Variants in SCHIP1 observed in about 807,000 individuals in gnomAD.
The protein encoded by SCHIP1 is schwannomin-interacting protein 1.
Under a neutral mutation model 29.7 loss-of-function variants are expected in SCHIP1, and 8 were observed. The observed-to-expected ratio is 0.27, with a 90% CI of 0.16 to 0.49. SCHIP1 has a LOEUF of 0.49. Ranked by LOEUF, SCHIP1 falls within the 20% of genes least tolerant of loss-of-function variation. SCHIP1 has a pLI of 0.99. For missense variants in SCHIP1, 193 were observed against 294.6 expected, an observed-to-expected ratio of 0.66 and a Z score of 2.52; for synonymous variants, 76 against 94.9, an observed-to-expected ratio of 0.80 and a Z score of 1.16.
At chr3:159,656,423 T>C in the SCHIP1 span, among the ~76,000 whole-genome samples, 3 of 152,172 alleles carry the variant, frequency 2.0e-5, no homozygotes, top group African/African-American at 7.2e-5. Flanking sequence ...CTCTTGTACC[T>C]TAGAGAGTTC....
the SCHIP1 span, among the ~76,000 whole-genome samples, chr3:159,657,150 T>C: frequency 5.9e-5 from 9 of 152,222 alleles, no homozygotes; most frequent in Non-Finnish European, 1.3e-4. Flanking sequence ...TATATTATTT[T>C]GTTTAAAATA....
chr3:159,769,108 T>G, the SCHIP1 span, among the ~76,000 whole-genome samples: 3 of 152,184 alleles, frequency 2.0e-5, no homozygotes, highest in Non-Finnish European at 4.4e-5. Flanking sequence ...TCTCTTAAAT[T>G]CTTATCTTCT....
At chr3:159,321,318 C>A in the SCHIP1 span, among the ~76,000 whole-genome samples, 10 of 152,152 alleles carry the variant, frequency 6.6e-5, no homozygotes, top group Admixed American at 1.3e-4. Flanking sequence ...GTATTCATTG[C>A]GTCCTCAACG....
chr3:159,586,651 T>G, the SCHIP1 span, among the ~76,000 whole-genome samples: 7 of 152,132 alleles, frequency 4.6e-5, no homozygotes, highest in Admixed American at 2.0e-4. Flanking sequence ...TGATTTTAAC[T>G]TGCTTATCTC....
At chr3:159,394,623 A>G in the SCHIP1 span, among the ~76,000 whole-genome samples, 86 of 151,730 alleles carry the variant, frequency 5.7e-4, 1 homozygote, top group Middle Eastern at 3.4e-3. Flanking sequence ...ACATTTATTG[A>G]TTTGCGTATA....
the SCHIP1 span, among the ~76,000 whole-genome samples, chr3:159,416,982 T>C: frequency 3.9e-5 from 6 of 152,190 alleles, no homozygotes; most frequent in Non-Finnish European, 2.9e-5. Context: ...TCAGACACTA[T>C]CACATTTTAA....
At chr3:159,353,525 GA>G in the SCHIP1 span, among the ~76,000 whole-genome samples, 2 of 151,870 alleles carry the variant, frequency 1.3e-5, no homozygotes, top group African/African-American at 2.4e-5. Flanking sequence ...CACAAGGCAT[GA>G]AAAAAACAAC....
the SCHIP1 span, among the ~76,000 whole-genome samples, chr3:159,557,991 A>G: frequency 6.6e-6 from 1 of 152,232 alleles, no homozygotes; most frequent in Non-Finnish European, 1.5e-5. Context: ...ATCACTGGCC[A>G]GAGAAGGATC....
the SCHIP1 span, among the ~76,000 whole-genome samples, chr3:159,384,866 A>G: frequency 6.6e-6 from 1 of 152,222 alleles, no homozygotes; most frequent in African/African-American, 2.4e-5. Context: ...GAATTTATCC[A>G]TTTCTTCTAG....
At chr3:159,431,789 C>G in the SCHIP1 span, among the ~76,000 whole-genome samples, 1 of 141,386 alleles carries the variant, frequency 7.1e-6, no homozygotes, top group Admixed American at 7.3e-5. Flanking sequence ...AGCCTGATGA[C>G]AGAGCAAGAT....
At chr3:159,562,179 C>T in the SCHIP1 span, among the ~76,000 whole-genome samples, 1,242 of 152,302 alleles carry the variant, frequency 8.2e-3, 15 homozygotes, top group African/African-American at 0.028. Context: ...TTTCAGTTCA[C>T]GGACTAACCA....
chr3:159,287,772 A>G, the SCHIP1 span, among the ~76,000 whole-genome samples: 8 of 152,200 alleles, frequency 5.3e-5, no homozygotes, highest in African/African-American at 1.9e-4. Flanking sequence ...GACTACATGG[A>G]GAGTGGCAAG....
At chr3:159,892,494 G>A (rs1006696136) in intron 6 of SCHIP1, 2 of 549,862 alleles carry the variant, frequency 3.6e-6, no homozygotes, top group Non-Finnish European at 6.4e-6. Context: ...CTGTCCCCTG[G>A]GAAGCTGGGC....
chr3:159,626,251 T>TATAGATAG, the SCHIP1 span, among the ~76,000 whole-genome samples: 2,322 of 93,622 alleles, frequency 0.025, 61 homozygotes, highest in Non-Finnish European at 0.028. Flanking sequence ...TATCTATCTA[T>TATAGATAG]ATAGATAGAT....
chr3:159,389,417 A>T, the SCHIP1 span, among the ~76,000 whole-genome samples: 1 of 152,032 alleles, frequency 6.6e-6, no homozygotes, highest in East Asian at 1.9e-4. Flanking sequence ...TTTGGGGATA[A>T]GATTACCCTC....
chr3:159,512,106 A>C, the SCHIP1 span, among the ~76,000 whole-genome samples: 3 of 152,310 alleles, frequency 2.0e-5, no homozygotes, highest in Non-Finnish European at 4.4e-5. Context: ...AAGAACTCTT[A>C]CAAATCAACA....
At chr3:159,854,175 A>T (rs141985721) in intron 1 of SCHIP1, among the ~76,000 whole-genome samples, 1 of 152,212 alleles carries the variant, frequency 6.6e-6, no homozygotes, top group Non-Finnish European at 1.5e-5. Flanking sequence ...CCCTTCCATC[A>T]TGGGCCTGGA....
the SCHIP1 span, chr3:159,765,207 C>A: frequency 5.8e-4 from 840 of 1,449,626 alleles, no homozygotes; most frequent in Non-Finnish European, 7.1e-4. Context: ...GCCCGCACGC[C>A]CCCTCCCTGC....
At chr3:159,391,226 GT>G in the SCHIP1 span, among the ~76,000 whole-genome samples, 1 of 152,062 alleles carries the variant, frequency 6.6e-6, no homozygotes, top group East Asian at 1.9e-4. Flanking sequence ...TTCTCCTAGA[GT>G]TTTTTTACTG....
Sources: gnomAD v4.1 joint callset for allele counts (sites outside exome capture counted in the v4.1 genomes callset) on GRCh38, gnomAD v4.1.1 for gene constraint, MANE v1.5 for transcripts, NCBI Gene and HGNC (gene_info 2026-07-23, HGNC 2026-07-21) for gene names.